The following LRP1B variants were observed in gnomAD, a reference collection of about 807,000 sequenced individuals.
The protein encoded by LRP1B is LDL receptor related protein 1B, also known as low-density lipoprotein receptor-related protein 1B.
LRP1B carries 217 observed loss-of-function variants against 556.6 expected under a neutral mutation model. That is an observed-to-expected ratio of 0.39 (90% CI 0.35 to 0.44). LRP1B has a LOEUF of 0.44. LRP1B is among the 20% of genes least tolerant of loss of function. The probability of loss-of-function intolerance (pLI) is 1.00; values close to 1 mark genes in which losing one functional copy is unlikely to be tolerated. For synonymous variants in LRP1B, 2,047 were observed against 1,865.8 expected, an observed-to-expected ratio of 1.10 and a Z score of -2.50; for missense variants, 5,053 against 5,620.8, an observed-to-expected ratio of 0.90 and a Z score of 3.23.
chr2:141,248,522 T>C (rs758713979), intron 4 of LRP1B, among the ~76,000 whole-genome samples: 8 of 152,130 alleles, frequency 5.3e-5, no homozygotes, highest in Non-Finnish European at 1.2e-4. Flanking sequence ...GACATTTCAG[T>C]TCATCAAAAT....
At chr2:142,104,868 CCAAT>C (rs898869009) in intron 1 of LRP1B, among the ~76,000 whole-genome samples, 1 of 152,158 alleles carries the variant, frequency 6.6e-6, no homozygotes, top group Non-Finnish European at 1.5e-5. Flanking sequence ...CAGAAGCTCT[CCAAT>C]CAATTTTCTT....
intron 7 of LRP1B, among the ~76,000 whole-genome samples, chr2:141,155,528 GCAGGTTT>G (rs1383916279): frequency 6.6e-6 from 1 of 151,270 alleles, no homozygotes; most frequent in Non-Finnish European, 1.5e-5. Context: ...TACAGAACGT[GCAGGTTT>G]GTTACATAGG....
chr2:141,276,592 C>T (rs1194857104), intron 3 of LRP1B, among the ~76,000 whole-genome samples: 3 of 151,902 alleles, frequency 2.0e-5, no homozygotes, highest in Non-Finnish European at 4.4e-5. Context: ...ATAATGGCCT[C>T]CAGCTCCATC....
intron 18 of LRP1B, among the ~76,000 whole-genome samples, chr2:140,958,698 G>C (rs898882014): frequency 2.6e-5 from 4 of 151,498 alleles, no homozygotes; most frequent in African/African-American, 9.7e-5. Flanking sequence ...TTTGAAATAA[G>C]TAAAAATAAA....
intron 5 of LRP1B, among the ~76,000 whole-genome samples, chr2:141,232,859 G>A (rs1275505110): frequency 6.6e-6 from 1 of 152,122 alleles, no homozygotes; most frequent in Non-Finnish European, 1.5e-5. Context: ...GTCAAATATG[G>A]AGGAAGGAAG....
chr2:140,334,657 A>G (rs1680979196), intron 78 of LRP1B, 98 bp from the exon 79 acceptor site: 1 of 623,834 alleles, frequency 1.6e-6, no homozygotes, highest in East Asian at 2.9e-5. Context: ...CGTGCCTCAG[A>G]ATCACCCCAG....
At chr2:141,180,347 T>A (rs1284640700) in intron 7 of LRP1B, among the ~76,000 whole-genome samples, 7 of 147,084 alleles carry the variant, frequency 4.8e-5, no homozygotes, top group South Asian at 2.1e-4. Context: ...TAGAACTCCA[T>A]AAAAAAAAAA....
At chr2:141,575,830 G>A (rs1686721545) in intron 2 of LRP1B, among the ~76,000 whole-genome samples, 1 of 151,446 alleles carries the variant, frequency 6.6e-6, no homozygotes, top group South Asian at 2.1e-4. Flanking sequence ...ATTTATGTGG[G>A]CAACATGTGA....
chr2:141,590,659 A>G (rs1300217943), intron 2 of LRP1B, among the ~76,000 whole-genome samples: 3 of 152,146 alleles, frequency 2.0e-5, no homozygotes, highest in African/African-American at 7.2e-5. Flanking sequence ...AGGGATTTCA[A>G]TTGACAATCC....
intron 1 of LRP1B, among the ~76,000 whole-genome samples, chr2:142,087,707 A>G (rs1479430077): frequency 1.3e-5 from 2 of 152,062 alleles, no homozygotes; most frequent in African/African-American, 4.8e-5. Flanking sequence ...ACAGAGAAAG[A>G]TAAAGTGTCT....
chr2:140,701,951 C>A (rs2105427330), intron 39 of LRP1B, 106 bp from the exon 40 acceptor site: 1 of 1,420,392 alleles, frequency 7.0e-7, no homozygotes, highest in Non-Finnish European at 9.7e-7. Context: ...GGAAAGAAAC[C>A]AACTTTAGTC....
At chr2:141,070,268 G>A (rs1010293143) in intron 7 of LRP1B, among the ~76,000 whole-genome samples, 2 of 150,618 alleles carry the variant, frequency 1.3e-5, no homozygotes, top group South Asian at 2.1e-4. Context: ...GGTACATAAC[G>A]AAATGAAGGC....
At chr2:141,424,028 A>G (rs1680255642) in intron 3 of LRP1B, among the ~76,000 whole-genome samples, 1 of 152,152 alleles carries the variant, frequency 6.6e-6, no homozygotes, top group Non-Finnish European at 1.5e-5. Flanking sequence ...CATCTGCAGA[A>G]AGCTATTAGC....
Position 140,621,542 on chromosome 2 carries a change from AT to A in LRP1B, c.6800-19904del, listed in dbSNP as rs527547044. 2.3e-3 allele frequency among the ~76,000 whole-genome samples: 349 copies of A among 152,270 alleles called. 1 individual carries two copies. Among genetic ancestry groups the A allele is most frequent in the African/African-American group, 8.0e-3 (334 of 41,560 alleles). ...GTTAGATGCCTACCATCTTGATTAA[AT>A]TTATTCTACCCATGAAGCAACAGTT... On this transcript the variant is annotated intron_variant, in intron 41 of 90. Transcript: ENST00000389484.
chr2:140,560,515 T>A (rs990031358), intron 43 of LRP1B, among the ~76,000 whole-genome samples: 2 of 152,080 alleles, frequency 1.3e-5, no homozygotes, highest in African/African-American at 2.4e-5. Context: ...AAAAATTAAA[T>A]CATTAAACAT....
At chr2:141,910,774 C>T (rs1183364900) in intron 1 of LRP1B, among the ~76,000 whole-genome samples, 1 of 151,986 alleles carries the variant, frequency 6.6e-6, no homozygotes, top group Non-Finnish European at 1.5e-5. Context: ...ATCGAAAGGA[C>T]TTACGTGTTG....
intron 2 of LRP1B, among the ~76,000 whole-genome samples, chr2:141,686,736 G>T (rs1253930426): frequency 3.3e-5 from 5 of 151,978 alleles, no homozygotes; most frequent in African/African-American, 1.2e-4. Context: ...GCCTTTCAGA[G>T]GTGATTGGAT....
chr2:140,408,506 T>G (rs1684842741), intron 66 of LRP1B, among the ~76,000 whole-genome samples: 1 of 151,820 alleles, frequency 6.6e-6, no homozygotes. Context: ...GAATAATTTT[T>G]TTAAGTAATT....
chr2:141,994,143 C>A (rs1702421410), intron 1 of LRP1B, among the ~76,000 whole-genome samples: 1 of 152,058 alleles, frequency 6.6e-6, no homozygotes, highest in Non-Finnish European at 1.5e-5. Context: ...CTTGAATGTG[C>A]CTGTTCAGAG....
Sources: gnomAD v4.1 joint callset for allele counts (sites outside exome capture counted in the v4.1 genomes callset) on GRCh38, gnomAD v4.1.1 for gene constraint, MANE v1.5 for transcripts, NCBI Gene and HGNC (gene_info 2026-07-23, HGNC 2026-07-21) for gene names.